The following RPS6KC1 variants were observed in gnomAD, a reference collection of about 807,000 sequenced individuals.
RPS6KC1 encodes inactive ribosomal protein S6 kinase delta-1.
RPS6KC1 carries 54 observed loss-of-function variants against 103.8 expected under a neutral mutation model. The ratio of observed to expected loss-of-function variants is 0.52; its 90% CI spans 0.42 to 0.65. The LOEUF is 0.65. Among genes scored for constraint, RPS6KC1 ranks in the 30% least tolerant of loss-of-function variants. The pLI, the probability that RPS6KC1 is intolerant of heterozygous loss-of-function variation, is 0.00. For synonymous variants in RPS6KC1, 439 were observed against 438.7 expected (o/e 1.00, Z -0.01); for missense variants, 1,151 against 1,253.8 (o/e 0.92, Z 1.24).
chr1:213,211,835 T>C (rs1247918217), intron 8 of RPS6KC1, among the ~76,000 whole-genome samples: 1 of 152,218 alleles, frequency 6.6e-6, no homozygotes, highest in Non-Finnish European at 1.5e-5. Flanking sequence ...GGACTTGTTT[T>C]AGTTATTTGT....
At chr1:213,367,222 C>G in the RPS6KC1 span, among the ~76,000 whole-genome samples, 1 of 152,192 alleles carries the variant, frequency 6.6e-6, no homozygotes, top group South Asian at 2.1e-4. Context: ...GTTAATGCAG[C>G]CTAAGGTCAT....
At chr1:213,534,148 A>G in the RPS6KC1 span, among the ~76,000 whole-genome samples, 2 of 152,326 alleles carry the variant, frequency 1.3e-5, no homozygotes, top group East Asian at 3.9e-4. Context: ...TAAGCTTGTG[A>G]CTGGACTCAG....
At chr1:213,477,533 G>GTAAATA in the RPS6KC1 span, among the ~76,000 whole-genome samples, 2 of 151,986 alleles carry the variant, frequency 1.3e-5, no homozygotes, top group Non-Finnish European at 2.9e-5. Context: ...TTTCATCACT[G>GTAAATA]TAAATATCAA....
the RPS6KC1 span, chr1:213,821,229 G>T: frequency 0.28 from 43,124 of 152,262 alleles, 9,624 homozygotes; most frequent in African/African-American, 0.61. Flanking sequence ...GTCCATCCTA[G>T]GCCAGGTCGG....
chr1:213,066,115 T>A (rs1010804453), intron 1 of RPS6KC1, among the ~76,000 whole-genome samples: 2 of 152,220 alleles, frequency 1.3e-5, no homozygotes, highest in African/African-American at 4.8e-5. Flanking sequence ...AGAGTCAAAT[T>A]TTCCCTATGC....
intron 14 of RPS6KC1, among the ~76,000 whole-genome samples, chr1:213,272,052 A>G (rs1266896012): frequency 6.6e-6 from 1 of 152,216 alleles, no homozygotes; most frequent in Non-Finnish European, 1.5e-5. Flanking sequence ...ATTTTGGAAT[A>G]CTAATCAGCT....
the RPS6KC1 span, among the ~76,000 whole-genome samples, chr1:213,445,372 G>A: frequency 6.6e-6 from 1 of 152,118 alleles, no homozygotes; most frequent in Non-Finnish European, 1.5e-5. Context: ...TGGGTTGTAT[G>A]GTGACTTTAT....
intron 5 of RPS6KC1, chr1:213,125,764 A>G (rs772291673): frequency 3.9e-5 from 6 of 151,906 alleles, no homozygotes; most frequent in Non-Finnish European, 7.4e-5. Context: ...CTTTCTCTCT[A>G]GGTATTTTAA....
the RPS6KC1 span, among the ~76,000 whole-genome samples, chr1:213,349,522 A>G: frequency 6.6e-6 from 1 of 152,156 alleles, no homozygotes; most frequent in East Asian, 1.9e-4. Context: ...GCAGCTTACT[A>G]TAGTTACAAC....
intron 8 of RPS6KC1, among the ~76,000 whole-genome samples, chr1:213,185,850 GCTT>G (rs2092502464): frequency 6.6e-6 from 1 of 150,566 alleles, no homozygotes; most frequent in Non-Finnish European, 1.5e-5. Context: ...TTAATTTGTA[GCTT>G]TTTATTTTAG....
chr1:213,464,313 G>T, the RPS6KC1 span, among the ~76,000 whole-genome samples: 2 of 151,880 alleles, frequency 1.3e-5, no homozygotes, highest in African/African-American at 4.8e-5. Flanking sequence ...AAGTTTATTG[G>T]TTTATTGTTG....
intron 8 of RPS6KC1, among the ~76,000 whole-genome samples, chr1:213,197,791 C>G (rs1558519747): frequency 6.6e-6 from 1 of 152,114 alleles, no homozygotes. Context: ...TTTCGGCTTT[C>G]ATTTGCAGGG....
chr1:213,644,375 A>G, the RPS6KC1 span, among the ~76,000 whole-genome samples: 1 of 152,082 alleles, frequency 6.6e-6, no homozygotes, highest in Non-Finnish European at 1.5e-5. Flanking sequence ...ATACATCATC[A>G]TCACCCAAAG....
chr1:213,659,670 TGTTCA>T, the RPS6KC1 span, among the ~76,000 whole-genome samples: 1 of 151,936 alleles, frequency 6.6e-6, no homozygotes, highest in Non-Finnish European at 1.5e-5. Flanking sequence ...CTGGCATAAA[TGTTCA>T]AGTTTCGATT....
At chr1:213,659,054 T>A in the RPS6KC1 span, among the ~76,000 whole-genome samples, 7 of 152,058 alleles carry the variant, frequency 4.6e-5, no homozygotes, top group African/African-American at 1.4e-4. Context: ...AACCTCCGCC[T>A]CCTGGGTTCA....
the RPS6KC1 span, among the ~76,000 whole-genome samples, chr1:213,599,433 G>GAAAA: frequency 1.4e-5 from 2 of 138,108 alleles, no homozygotes; most frequent in Non-Finnish European, 1.5e-5. Flanking sequence ...TAACACTGGA[G>GAAAA]AAAAAAAAAA....
Position 213,261,635 on chromosome 1 carries a change from G to C in RPS6KC1, c.2989G>C (p.Gly997Arg). ...TGCTGTCCTCTTTGAACTTCTCACTGGCAAGGTAAGCAGTGGCCTGGACGT... is the reference window on the plus strand; with the variant it reads ...TGCTGTCCTCTTTGAACTTCTCACTCGCAAGGTAAGCAGTGGCCTGGACGT... ...LGAVLFELLTGKTLVECHPAG... is the reference protein window; with the variant it reads ...LGAVLFELLTRKTLVECHPAG... The change falls in exon 13 of 15, where the codon GGC (glycine) becomes CGC (arginine). Residue 997 changes from glycine (G) to arginine (R), a missense_variant. Around this residue, in one of 3 missense-constraint regions of RPS6KC1, gnomAD observed 189 missense variants for 228.8 expected, o/e 0.83. Coordinates refer to ENST00000366960, the MANE Select transcript of RPS6KC1 (RefSeq NM_012424.6). 1 of 1,613,444 alleles carries C rather than the reference G, an allele frequency of 6.2e-7. No homozygotes were observed. The highest frequency in any genetic ancestry group is 8.5e-7 in the Non-Finnish European group (1 of 1,179,436).
At chr1:213,402,916 C>T in the RPS6KC1 span, among the ~76,000 whole-genome samples, 1 of 148,066 alleles carries the variant, frequency 6.8e-6, no homozygotes, top group African/African-American at 2.5e-5. Flanking sequence ...AGACAGAGAC[C>T]ATCCTGGCTA....
chr1:213,556,705 A>G, the RPS6KC1 span, among the ~76,000 whole-genome samples: 1 of 152,234 alleles, frequency 6.6e-6, no homozygotes, highest in African/African-American at 2.4e-5. Flanking sequence ...ATCATCATCT[A>G]AAAAGCATTA....
Sources: allele counts gnomAD v4.1 joint callset (sites outside exome capture counted in the v4.1 genomes callset), GRCh38; gene constraint gnomAD v4.1.1; regional missense constraint gnomAD v4.1.1; transcripts MANE v1.5; gene names NCBI Gene and HGNC (gene_info 2026-07-23, HGNC 2026-07-21).